Variants in PIEZO1 observed in about 807,000 individuals in gnomAD.
PIEZO1 encodes piezo type mechanosensitive ion channel component 1 (Er blood group).
In PIEZO1, 296 loss-of-function variants were observed where a neutral mutation model predicts 297.2. The observed-to-expected ratio is 1.00, with a 90% CI of 0.91 to 1.10. The LOEUF is 1.10. PIEZO1 is among the 50% of genes least tolerant of loss of function. The probability of loss-of-function intolerance (pLI) is 0.00; values close to 1 mark genes in which losing one functional copy is unlikely to be tolerated. For missense variants in PIEZO1, 5,018 were observed against 3,455.5 expected (o/e 1.45, Z -11.34); for synonymous variants, 2,427 against 1,507.5 (o/e 1.61, Z -14.13).
chr16:88,730,542 G>A (rs1175638777), intron 22 of PIEZO1, among the ~76,000 whole-genome samples: 2 of 148,832 alleles, frequency 1.3e-5, no homozygotes, highest in East Asian at 2.0e-4. Flanking sequence ...AGGCTGCAGT[G>A]AGCCGAGATT....
chr16:88,715,483 G>A lies in PIEZO1; in HGVS notation c.*122C>T, dbSNP rs1456453489. 2.8e-6 allele frequency: 3 copies of A among 1,082,724 alleles called. No individual in the cohort carries two copies. Among genetic ancestry groups the A allele is most frequent in the Admixed American group, 4.4e-5 (2 of 45,004 alleles). 67.1% of individuals were successfully genotyped at this position (1,082,724 alleles called of 1,614,324 possible). ...CATCAGGGCTCAGGCAGGCCGGGAG[G>A]ATGCATCACAGCTGGCGGCCTTGGA... On this transcript the variant is annotated 3_prime_UTR_variant, in exon 51 of 51. Transcript: ENST00000301015.
intron 22 of PIEZO1, among the ~76,000 whole-genome samples, chr16:88,729,698 T>C (rs373608444): frequency 4.4e-5 from 6 of 136,794 alleles, no homozygotes; most frequent in Admixed American, 7.3e-5. Context: ...ACCCAGGACA[T>C]GCTGAACCCA....
chr16:88,718,935 C>T (rs1021344800), intron 44 of PIEZO1: 11 of 154,386 alleles, frequency 7.1e-5, no homozygotes, highest in African/African-American at 2.6e-4. Context: ...TCTTAAAACT[C>T]CTGGCCTCAA....
chr16:88,731,551 G>C (rs1448931651), intron 22 of PIEZO1, 155 bp downstream of exon 22: 10 of 611,120 alleles, frequency 1.6e-5, no homozygotes, highest in Non-Finnish European at 2.6e-5. Flanking sequence ...GCAGGTGATG[G>C]CGCCTGGGTA....
chr16:88,743,721 A>G (rs8053135), intron 2 of PIEZO1: 393,276 of 444,338 alleles, frequency 0.89, 174,294 homozygotes, highest in East Asian at 0.95. Flanking sequence ...CTGACCGTGA[A>G]GCAGCCCTCA....
At chr16:88,748,704 G>A (rs770614358) in intron 2 of PIEZO1, among the ~76,000 whole-genome samples, 5 of 152,024 alleles carry the variant, frequency 3.3e-5, no homozygotes, top group Non-Finnish European at 7.4e-5. Context: ...GACCCTCCTC[G>A]CCCCTCACAG....
At position 88,733,671 on chromosome 16, in the gene PIEZO1, C is replaced by G. The variant is rs749307718; in HGVS notation, c.2404G>C (p.Val802Leu). The change falls in exon 18 of 51, where the codon GTG becomes CTG. Residue 802 changes from valine (V) to leucine (L), a missense_variant. Val to Leu is a conservative substitution (Grantham distance 32). Coordinates refer to ENST00000301015, the MANE Select transcript of PIEZO1 (RefSeq NM_001142864.4). ...AAGFSDVLSRVQVFLRRLLEL... is the reference protein window; with the variant it reads ...AAGFSDVLSRLQVFLRRLLEL... ...AGCAGCCGCCGCAGGAACACCTGCACGCGTGAGAGGACGTCCGAGAAGCCG... is the reference window on the plus strand; with the variant it reads ...AGCAGCCGCCGCAGGAACACCTGCAGGCGTGAGAGGACGTCCGAGAAGCCG... 5 of 1,549,654 alleles carry G rather than the reference C, an allele frequency of 3.2e-6. No homozygotes were observed. Among genetic ancestry groups the G allele is most frequent in the African/African-American group, 2.7e-5 (2 of 73,038 alleles).
In PIEZO1 at chr16:88,742,527, C is replaced by A. The variant is rs561607518; in HGVS notation, c.161-105G>T. On this transcript the variant is annotated intron_variant, in intron 2 of 50. Transcript: ENST00000301015. ...CCCCAGCCCGGCCAGAGCCCAGAGG[C>A]CTGAGATGCAAACCCGCCATGGACT... 3.2e-6 allele frequency: 4 copies of A among 1,241,068 alleles called. No homozygotes were observed. The African/African-American group carries it at 4.5e-5, about 14-fold the overall frequency. 76.9% of individuals were successfully genotyped at this position (1,241,068 alleles called of 1,614,324 possible). A position where few individuals can be genotyped will look rare whatever the true frequency, so the allele number is the denominator to read the frequency against.
intron 1 of PIEZO1, among the ~76,000 whole-genome samples, chr16:88,768,812 G>A (rs998194863): frequency 6.6e-6 from 1 of 152,250 alleles, no homozygotes. Flanking sequence ...CCCACAATGG[G>A]CAGGCCAGCG....
chr16:88,722,926 G>A lies in PIEZO1; in HGVS notation c.4579C>T (p.Arg1527Cys), dbSNP rs372575738. ...LGQALVDELT[R>C]WLQEFTRHHG... Reference sequence around the variant, plus strand: ...TGCCGGGTGAACTCCTGCAGCCAGCGTGTCAGCTCATCCACTAGCGCCTGC... The same window carrying A: ...TGCCGGGTGAACTCCTGCAGCCAGCATGTCAGCTCATCCACTAGCGCCTGC... The change falls in exon 34 of 51, where the codon CGC becomes TGC. Residue 1527 changes from arginine (R) to cysteine (C), a missense_variant. By Grantham distance (180) the Arg-to-Cys change is radical. Transcript: ENST00000301015. 5.0e-5 allele frequency: 78 copies of A among 1,549,378 alleles called. 1 individual carries two copies. In the South Asian group the frequency reaches 5.6e-4, roughly 11 times the overall value.
chr16:88,749,059 A>G (rs1213983843), intron 2 of PIEZO1, among the ~76,000 whole-genome samples: 1 of 151,526 alleles, frequency 6.6e-6, no homozygotes, highest in South Asian at 2.1e-4. Context: ...ATCACGGTGA[A>G]ACCCCGTCTC....
At chr16:88,748,695 A>C (rs1906200886) in intron 2 of PIEZO1, among the ~76,000 whole-genome samples, 1 of 151,824 alleles carries the variant, frequency 6.6e-6, no homozygotes, top group Non-Finnish European at 1.5e-5. Context: ...CACCCCCATG[A>C]CCCTCCTCGC....
chr16:88,747,964 A>G, intron 2 of PIEZO1, among the ~76,000 whole-genome samples: 1 of 152,162 alleles, frequency 6.6e-6, no homozygotes, highest in East Asian at 1.9e-4. Context: ...AGTCCCCTGG[A>G]AAAACGCAGC....
chr16:88,728,376 G>A (rs926919645), intron 22 of PIEZO1, among the ~76,000 whole-genome samples: 25 of 152,188 alleles, frequency 1.6e-4, no homozygotes, highest in Admixed American at 1.0e-3. Flanking sequence ...AGGGAACCTC[G>A]CGACACAAAA....
intron 5 of PIEZO1, chr16:88,740,737 G>C (rs1254037846): frequency 6.6e-6 from 1 of 152,410 alleles, no homozygotes; most frequent in Non-Finnish European, 1.5e-5. Flanking sequence ...TCAGCTATCT[G>C]ACGAGTGGGC....
At chr16:88,725,565 C>T (rs1221989208) in intron 28 of PIEZO1, 30 bp downstream of exon 28, 2 of 1,531,374 alleles carry the variant, frequency 1.3e-6, no homozygotes, top group South Asian at 1.2e-5. Flanking sequence ...GGGGGAGGAG[C>T]CGGGGAGTCC....
chr16:88,768,414 C>T (rs1370466405), intron 1 of PIEZO1, among the ~76,000 whole-genome samples: 1 of 152,162 alleles, frequency 6.6e-6, no homozygotes, highest in Admixed American at 6.5e-5. Flanking sequence ...GGGGACTGGA[C>T]GGCCCTGGCT....
chr16:88,725,287 G>A (rs1035024648), intron 29 of PIEZO1, 129 bp downstream of exon 29: 28 of 703,652 alleles, frequency 4.0e-5, no homozygotes, highest in Non-Finnish European at 5.9e-5. Context: ...GACAGAGGGT[G>A]ATCATGCGGA....
intron 44 of PIEZO1, chr16:88,717,858 T>G: frequency 2.3e-6 from 1 of 430,062 alleles, no homozygotes; most frequent in South Asian, 1.7e-5. Flanking sequence ...AACTGCTGGG[T>G]GTGGCGGCTC....
Sources: allele counts gnomAD v4.1 joint callset (sites outside exome capture counted in the v4.1 genomes callset), GRCh38; gene constraint gnomAD v4.1.1; transcripts MANE v1.5; gene names NCBI Gene and HGNC (gene_info 2026-07-23, HGNC 2026-07-21).